ZCWPW2: variants seen among roughly 807,000 people sequenced by gnomAD.
ZCWPW2 encodes the protein zinc finger CW-type and PWWP domain containing 2, also known as zinc finger CW-type PWWP domain protein 2.
Under a neutral mutation model 46.6 loss-of-function variants are expected in ZCWPW2, and 45 were observed. That is an observed-to-expected ratio of 0.96 (90% CI 0.76 to 1.24). The LOEUF (loss-of-function observed/expected upper bound fraction) is 1.24, where lower values mean the gene tolerates loss of function less well. Ranked by LOEUF, ZCWPW2 falls within the 50% of genes most tolerant of loss-of-function variation. The probability of loss-of-function intolerance (pLI) is 0.00; values close to 1 mark genes in which losing one functional copy is unlikely to be tolerated. For synonymous variants in ZCWPW2, 152 were observed against 137.1 expected, an observed-to-expected ratio of 1.11 and a Z score of -0.76; for missense variants, 429 against 403.9, an observed-to-expected ratio of 1.06 and a Z score of -0.53.
intron 6 of ZCWPW2, among the ~76,000 whole-genome samples, chr3:28,497,768 A>C (rs1559529932): frequency 6.6e-6 from 1 of 152,088 alleles, no homozygotes; most frequent in South Asian, 2.1e-4. Flanking sequence ...CCTGGGGTCA[A>C]GTATGAGACT....
intron 4 of ZCWPW2, among the ~76,000 whole-genome samples, chr3:28,452,346 A>T (rs555409030): frequency 6.6e-6 from 1 of 152,216 alleles, no homozygotes; most frequent in African/African-American, 2.4e-5. Flanking sequence ...GTGCAGTGGC[A>T]CAGTCTCGGC....
At chr3:28,438,987 TAGTC>T (rs1340691099) in intron 4 of ZCWPW2, among the ~76,000 whole-genome samples, 1 of 150,876 alleles carries the variant, frequency 6.6e-6, no homozygotes, top group African/African-American at 2.4e-5. Flanking sequence ...CTCAGTGTAT[TAGTC>T]AGGGTTCTTT....
chr3:28,461,101 T>C (rs182633476), intron 4 of ZCWPW2: 1 of 174,064 alleles, frequency 5.7e-6, no homozygotes, highest in African/African-American at 2.4e-5. Context: ...TATGTGTGAT[T>C]CCAGTTTTCC....
At chr3:28,364,848 T>G (rs898442616) in intron 1 of ZCWPW2, among the ~76,000 whole-genome samples, 3 of 152,180 alleles carry the variant, frequency 2.0e-5, no homozygotes, top group Non-Finnish European at 4.4e-5. Flanking sequence ...TGACTTTTAA[T>G]GATCGTCATT....
chr3:28,402,983 G>C (rs1018806214), intron 2 of ZCWPW2, among the ~76,000 whole-genome samples: 2 of 152,096 alleles, frequency 1.3e-5, no homozygotes, highest in African/African-American at 4.8e-5. Flanking sequence ...TCTGAGAACA[G>C]GAACAAGACA....
rs147795502 is a variant in ZCWPW2 at position 28,372,609 on chromosome 3, C to A, written c.-133-17889C>A. On this transcript the variant is annotated intron_variant, in intron 1 of 9. Transcript: ENST00000383768. ...GTGCATTATTTACAACCTTTTTTGG[C>A]AACTTGTCCTTTATTTTATTTTAAT... Among the ~76,000 whole-genome samples, 469 of 152,156 alleles carry A rather than the reference C, an allele frequency of 3.1e-3. 11 individuals are homozygous for A. Among genetic ancestry groups the A allele is most frequent in the Admixed American group, 0.028 (425 of 15,280 alleles).
intron 2 of ZCWPW2, among the ~76,000 whole-genome samples, chr3:28,406,669 G>T (rs1395186106): frequency 6.6e-6 from 1 of 151,948 alleles, no homozygotes; most frequent in South Asian, 2.1e-4. Flanking sequence ...TAATAAGGTC[G>T]ATTAACCTAA....
At chr3:28,370,800 T>C (rs970057826) in intron 1 of ZCWPW2, among the ~76,000 whole-genome samples, 2 of 152,170 alleles carry the variant, frequency 1.3e-5, no homozygotes, top group Non-Finnish European at 2.9e-5. Flanking sequence ...TGGTGTAATC[T>C]CGGCTCAACG....
intron 4 of ZCWPW2, among the ~76,000 whole-genome samples, chr3:28,444,409 G>A (rs548351778): frequency 3.3e-5 from 5 of 152,254 alleles, no homozygotes; most frequent in African/African-American, 1.2e-4. Context: ...GCAGTGTAGG[G>A]TTTATCTCCT....
intron 6 of ZCWPW2, among the ~76,000 whole-genome samples, chr3:28,493,556 A>G (rs1699898495): frequency 8.6e-6 from 1 of 116,786 alleles, no homozygotes; most frequent in Admixed American, 9.6e-5. Context: ...TCATCGTTGG[A>G]CATTTGGGTT....
rs565692597 is a variant in ZCWPW2 at position 28,513,860 on chromosome 3, TC to T, written c.658-203del. Among the ~76,000 whole-genome samples, 20 of 152,100 alleles carry T rather than the reference TC, an allele frequency of 1.3e-4. 1 individual carries two copies. In the South Asian group the frequency reaches 4.2e-3, roughly 32 times the overall value. On this transcript the variant is annotated intron_variant, in intron 6 of 9. Coordinates refer to ENST00000383768, the MANE Select transcript of ZCWPW2 (RefSeq NM_001040432.4). Reference sequence around the variant, plus strand: ...ATGGGAGGTAGGCATCCAAATCAAATCAGTTTAGCACTCCTGAAAGATGAGC... The same window carrying T: ...ATGGGAGGTAGGCATCCAAATCAAATAGTTTAGCACTCCTGAAAGATGAGC...
chr3:28,495,306 ATATAGG>A (rs771971286), intron 6 of ZCWPW2, among the ~76,000 whole-genome samples: 106 of 152,262 alleles, frequency 7.0e-4, no homozygotes, highest in Non-Finnish European at 1.3e-3. Flanking sequence ...AAAAGAAAGG[ATATAGG>A]TCTTGTGTGT....
rs535192282 is a variant in ZCWPW2 at position 28,438,506 on chromosome 3, G to A, written c.492+3237G>A. On this transcript the variant is annotated intron_variant, in intron 4 of 9. Transcript: ENST00000383768. ...GCTGATCCTTGGCACAAAGATAGCC[G>A]ACAACAATAAAAAGATAAACAAAAA... 1.1e-4 allele frequency among the ~76,000 whole-genome samples: 16 copies of A among 152,238 alleles called. No homozygotes were observed. In the East Asian group the frequency reaches 1.5e-3, roughly 15 times the overall value.
At chr3:28,379,340 G>A (rs545213715) in intron 1 of ZCWPW2, among the ~76,000 whole-genome samples, 1 of 152,118 alleles carries the variant, frequency 6.6e-6, no homozygotes, top group Non-Finnish European at 1.5e-5. Context: ...TCACTGAGGG[G>A]ATGCAAGAGG....
In ZCWPW2 at chr3:28,353,090, A is replaced by C. The variant is rs149357849; in HGVS notation, c.-134+3887A>C. ...CCCAGCCACCTGGGGAGGCTCAGGCACGAGAATTGCTTGAACTCAGGAGGC... is the reference window on the plus strand; with the variant it reads ...CCCAGCCACCTGGGGAGGCTCAGGCCCGAGAATTGCTTGAACTCAGGAGGC... On this transcript the variant is annotated intron_variant, in intron 1 of 9. Transcript: ENST00000383768. Among the ~76,000 whole-genome samples, 21 of 152,204 alleles carry C rather than the reference A, an allele frequency of 1.4e-4. No homozygotes were observed. The East Asian group carries it at 4.1e-3, about 29-fold the overall frequency.
At chr3:28,490,617 T>C (rs755195111) in intron 5 of ZCWPW2, among the ~76,000 whole-genome samples, 1 of 151,946 alleles carries the variant, frequency 6.6e-6, no homozygotes, top group Non-Finnish European at 1.5e-5. Flanking sequence ...GAACTAAACA[T>C]TGAGTACATG....
chr3:28,366,467 C>G (rs1417856693), intron 1 of ZCWPW2, among the ~76,000 whole-genome samples: 1 of 120,764 alleles, frequency 8.3e-6, no homozygotes, highest in Non-Finnish European at 1.7e-5. Flanking sequence ...ATATGTTGAA[C>G]CAGCCTTGCA....
At chr3:28,377,999 TC>T (rs1287570727) in intron 1 of ZCWPW2, among the ~76,000 whole-genome samples, 3 of 152,090 alleles carry the variant, frequency 2.0e-5, no homozygotes, top group Non-Finnish European at 4.4e-5. Flanking sequence ...TACCTTCATG[TC>T]TGACTTTGGA....
intron 5 of ZCWPW2, among the ~76,000 whole-genome samples, chr3:28,488,252 A>G (rs1699673894): frequency 6.6e-6 from 1 of 152,158 alleles, no homozygotes; most frequent in Admixed American, 6.6e-5. Flanking sequence ...CACCCTGCTC[A>G]GGTTGGTTGT....
Sources: gnomAD v4.1 joint callset for allele counts (sites outside exome capture counted in the v4.1 genomes callset) on GRCh38, gnomAD v4.1.1 for gene constraint, MANE v1.5 for transcripts, NCBI Gene and HGNC (gene_info 2026-07-23, HGNC 2026-07-21) for gene names.